The following CTNND2 variants were observed in gnomAD, a reference collection of about 807,000 sequenced individuals.
CTNND2 encodes the protein catenin delta 2.
Under a neutral mutation model 144.4 loss-of-function variants are expected in CTNND2, and 22 were observed. That is an observed-to-expected ratio of 0.15 (90% CI 0.11 to 0.22). The LOEUF is 0.22. CTNND2 is among the 10% of genes least tolerant of loss of function. CTNND2 has a pLI of 1.00. For synonymous variants in CTNND2, 751 were observed against 695.6 expected, an observed-to-expected ratio of 1.08 and a Z score of -1.25; for missense variants, 1,353 against 1,618.8, an observed-to-expected ratio of 0.84 and a Z score of 2.82.
intron 12 of CTNND2, among the ~76,000 whole-genome samples, chr5:11,155,858 C>A (rs1237991468): frequency 6.6e-6 from 1 of 152,196 alleles, no homozygotes; most frequent in Non-Finnish European, 1.5e-5. Flanking sequence ...ATTAACTTTT[C>A]ATTTTACATT....
At chr5:11,328,825 A>T (rs748775908) in intron 9 of CTNND2, among the ~76,000 whole-genome samples, 4 of 152,200 alleles carry the variant, frequency 2.6e-5, no homozygotes, top group Non-Finnish European at 5.9e-5. Flanking sequence ...AGCTGTGTCC[A>T]GTGTGTTTCA....
At position 11,841,314 on chromosome 5, in the gene CTNND2, G is replaced by C. The variant is rs569925866; in HGVS notation, c.37+62503C>G. Among the ~76,000 whole-genome samples the C allele has an allele frequency of 4.0e-5, 6 of 149,494 alleles. No homozygotes were observed. In the South Asian group the frequency reaches 1.0e-3, roughly 26 times the overall value. On this transcript the variant is annotated intron_variant, in intron 1 of 21. Transcript: ENST00000304623. ...AGATCAGCATTTAATCTCAGAACAA[G>C]AACCAAAAACACAAACAAAAAAATT...
At chr5:11,364,373 C>T (rs920787065) in intron 8 of CTNND2, among the ~76,000 whole-genome samples, 3 of 152,228 alleles carry the variant, frequency 2.0e-5, no homozygotes, top group African/African-American at 4.8e-5. Context: ...CAAATGACTA[C>T]GTCCTTGGGG....
intron 3 of CTNND2, among the ~76,000 whole-genome samples, chr5:11,498,472 C>A (rs1482541997): frequency 6.6e-6 from 1 of 152,156 alleles, no homozygotes; most frequent in African/African-American, 2.4e-5. Context: ...CTCTAGACTT[C>A]CTCATAAAAC....
intron 2 of CTNND2, among the ~76,000 whole-genome samples, chr5:11,565,531 T>C (rs1024951023): frequency 7.2e-5 from 11 of 152,222 alleles, no homozygotes; most frequent in African/African-American, 2.7e-4. Context: ...ATATTACTTA[T>C]ATATTGTAGA....
intron 10 of CTNND2, among the ~76,000 whole-genome samples, chr5:11,209,164 C>T (rs1455281669): frequency 6.6e-6 from 1 of 152,246 alleles, no homozygotes; most frequent in South Asian, 2.1e-4. Flanking sequence ...CAATTTCAAT[C>T]AAAATTCAAG....
intron 16 of CTNND2, among the ~76,000 whole-genome samples, chr5:11,029,122 T>C (rs1001345236): frequency 6.6e-5 from 10 of 152,350 alleles, no homozygotes; most frequent in African/African-American, 2.4e-4. Context: ...TTGAGAATAA[T>C]GGTGTGAACA....
At chr5:11,451,062 AG>A in intron 3 of CTNND2, among the ~76,000 whole-genome samples, 1 of 151,862 alleles carries the variant, frequency 6.6e-6, no homozygotes, top group African/African-American at 2.4e-5. Context: ...ATGCAAATGT[AG>A]AAATTTTAAA....
At chr5:11,221,021 C>T (rs556722613) in intron 10 of CTNND2, among the ~76,000 whole-genome samples, 1 of 152,296 alleles carries the variant, frequency 6.6e-6, no homozygotes, top group East Asian at 1.9e-4. Flanking sequence ...ATTGTAAGTA[C>T]AGAAGAGCAA....
intron 1 of CTNND2, among the ~76,000 whole-genome samples, chr5:11,845,726 C>G (rs574770406): frequency 4.6e-5 from 7 of 152,164 alleles, no homozygotes; most frequent in African/African-American, 1.7e-4. Flanking sequence ...CTAATACAAT[C>G]GTCAAGACGA....
intron 1 of CTNND2, among the ~76,000 whole-genome samples, chr5:11,856,408 C>G (rs2127015068): frequency 6.6e-6 from 1 of 152,222 alleles, no homozygotes; most frequent in Non-Finnish European, 1.5e-5. Flanking sequence ...ATCACTTTTT[C>G]AGCACAAAGT....
intron 1 of CTNND2, among the ~76,000 whole-genome samples, chr5:11,753,821 T>A (rs1261165233): frequency 6.6e-6 from 1 of 151,642 alleles, no homozygotes; most frequent in Non-Finnish European, 1.5e-5. Flanking sequence ...TGGTTCGCAG[T>A]GTTTTTATTA....
chr5:11,131,205 T>C (rs1348453460), intron 12 of CTNND2, among the ~76,000 whole-genome samples: 1 of 152,194 alleles, frequency 6.6e-6, no homozygotes, highest in African/African-American at 2.4e-5. Flanking sequence ...ATGTATATAA[T>C]AAATGAATAT....
chr5:11,011,289 A>G (rs1203611130), intron 18 of CTNND2, among the ~76,000 whole-genome samples: 1 of 152,062 alleles, frequency 6.6e-6, no homozygotes, highest in African/African-American at 2.4e-5. Flanking sequence ...TCTCTGCTCA[A>G]TGCAGCCTCC....
intron 3 of CTNND2, among the ~76,000 whole-genome samples, chr5:11,493,617 G>A (rs987065099): frequency 1.3e-5 from 2 of 152,174 alleles, no homozygotes; most frequent in Non-Finnish European, 2.9e-5. Context: ...TAGAAGTCAT[G>A]TATACTGGGC....
intron 7 of CTNND2, among the ~76,000 whole-genome samples, chr5:11,369,386 G>A (rs1757259028): frequency 6.6e-6 from 1 of 152,206 alleles, no homozygotes; most frequent in Non-Finnish European, 1.5e-5. Flanking sequence ...AGGCTGAAAA[G>A]GGCTACATAT....
At chr5:11,151,069 T>C (rs1254250933) in intron 12 of CTNND2, among the ~76,000 whole-genome samples, 4 of 152,224 alleles carry the variant, frequency 2.6e-5, no homozygotes, top group Non-Finnish European at 4.4e-5. Flanking sequence ...GCTTGTTCTG[T>C]GAGCTGTACT....
rs562092003 is a variant in CTNND2 at position 11,135,220 on chromosome 5, T to C, written c.2160-17653A>G. On this transcript the variant is annotated intron_variant, in intron 12 of 21. Transcript: ENST00000304623. ...AGGTTTTACTGCTTTTCGTAAATAA[T>C]AATGGTTCTTAGAACTCTGGCACAA... is the stretch of plus-strand genomic sequence containing the variant. 3.7e-4 allele frequency among the ~76,000 whole-genome samples: 57 copies of C among 152,284 alleles called. 1 individual carries two copies. Among genetic ancestry groups the C allele is most frequent in the South Asian group, 2.1e-3 (10 of 4,822 alleles).
intron 1 of CTNND2, among the ~76,000 whole-genome samples, chr5:11,892,775 C>T (rs1490462277): frequency 1.3e-5 from 2 of 151,974 alleles, no homozygotes; most frequent in Non-Finnish European, 2.9e-5. Flanking sequence ...TAAGGAACAG[C>T]ATGTATATTT....
Sources: gnomAD v4.1 joint callset for allele counts (sites outside exome capture counted in the v4.1 genomes callset) on GRCh38, gnomAD v4.1.1 for gene constraint, MANE v1.5 for transcripts, NCBI Gene and HGNC (gene_info 2026-07-23, HGNC 2026-07-21) for gene names.